EBF3: variants seen among roughly 807,000 people sequenced by gnomAD.
EBF3 encodes the protein transcription factor COE3.
In EBF3, 18 loss-of-function variants were observed where a neutral mutation model predicts 77.1. The ratio of observed to expected loss-of-function variants is 0.23; its 90% confidence interval spans 0.16 to 0.35. The LOEUF (loss-of-function observed/expected upper bound fraction) is 0.35, where lower values mean the gene tolerates loss of function less well. Among genes scored for constraint, EBF3 ranks in the 10% least tolerant of loss-of-function variants. EBF3 has a pLI of 1.00. For synonymous variants in EBF3, 350 were observed against 343.5 expected (o/e 1.02, Z -0.21); for missense variants, 558 against 860.0 (o/e 0.65, Z 4.39).
At chr10:129,884,351 CAATACGTATTGGATTTCCAA>C (rs1374511234) in intron 6 of EBF3, among the ~76,000 whole-genome samples, 2 of 152,146 alleles carry the variant, frequency 1.3e-5, no homozygotes, top group Non-Finnish European at 2.9e-5. Flanking sequence ...GTACACAGGT[CAATACGTATTGGATTTCCAA>C]AATGCGAGGG....
rs931475476 is a variant in EBF3 at position 129,935,118 on chromosome 10, G to T, written c.554+22140C>A. ...CTGGTGGTCCGGTTCCCTAAGAACC[G>T]GACCCTCTAGTGGATCATGATGTGG... On this transcript the variant is annotated intron_variant, in intron 6 of 16. Transcript: ENST00000440978. This position sits in a 1 kb window ranked among gnomAD's most constrained non-coding sequence, Gnocchi z 4.2. Among the ~76,000 whole-genome samples the T allele has an allele frequency of 6.6e-6, 1 of 152,084 alleles. No homozygotes were observed. The highest frequency in any genetic ancestry group is 1.9e-4 in the East Asian group (1 of 5,190).
At chr10:129,868,060 C>T in intron 8 of EBF3, 148 bp from the exon 9 acceptor site, 1 of 1,087,180 alleles carries the variant, frequency 9.2e-7, no homozygotes, top group Non-Finnish European at 1.3e-6. Context: ...CGTAGATCAG[C>T]ATGTTGATGT....
rs11370096 is a variant in EBF3 at position 129,854,505 on chromosome 10, G to GAA, written c.1040-6027_1040-6026dup. 1.3e-3 allele frequency among the ~76,000 whole-genome samples: 190 copies of GAA among 150,314 alleles called. 1 individual carries two copies. The highest frequency in any genetic ancestry group is 3.5e-3 in the African/African-American group (143 of 41,094). On this transcript the variant is annotated intron_variant, in intron 10 of 16. Coordinates refer to ENST00000440978, the MANE Select transcript of EBF3 (RefSeq NM_001375380.1). ...TCTATTTCAGTAACAAGCAAAAATA[G>GAA]AAAAAAAAAATCTGCCTTCCTGATA...
At chr10:129,929,338 G>A (rs939657863) in intron 6 of EBF3, among the ~76,000 whole-genome samples, 4 of 151,960 alleles carry the variant, frequency 2.6e-5, no homozygotes, top group Non-Finnish European at 5.9e-5. Flanking sequence ...CCAAGTAGCT[G>A]GAACTACAGG....
intron 11 of EBF3, 173 bp from the exon 12 acceptor site, chr10:129,843,375 G>A (rs1850230148): frequency 1.0e-5 from 6 of 590,624 alleles, no homozygotes; most frequent in African/African-American, 1.8e-5. Context: ...CGTGCGTGCT[G>A]ACAACACTGT....
intron 10 of EBF3, among the ~76,000 whole-genome samples, chr10:129,855,760 T>C (rs1441784292): frequency 2.6e-5 from 4 of 152,182 alleles, no homozygotes; most frequent in African/African-American, 9.7e-5. Context: ...ATCCTTTTCT[T>C]TAAAAAAGGA....
At chr10:129,883,882 G>T (rs961748743) in intron 6 of EBF3, among the ~76,000 whole-genome samples, 4 of 152,144 alleles carry the variant, frequency 2.6e-5, no homozygotes, top group African/African-American at 9.7e-5. Flanking sequence ...AAATGCCACA[G>T]AACTGTTCAC....
intron 6 of EBF3, among the ~76,000 whole-genome samples, chr10:129,895,049 A>G (rs964103669): frequency 3.3e-5 from 5 of 152,234 alleles, no homozygotes; most frequent in African/African-American, 1.2e-4. Flanking sequence ...ATGAGTGGGC[A>G]TGCGGAACGG....
chr10:129,950,206 C>T (rs933157778), intron 6 of EBF3, among the ~76,000 whole-genome samples: 2 of 152,168 alleles, frequency 1.3e-5, no homozygotes, highest in African/African-American at 4.8e-5. Context: ...AACCGCGAGC[C>T]CCTTCCTTTC....
chr10:129,839,654 A>C (rs1564812271), intron 15 of EBF3, among the ~76,000 whole-genome samples: 1 of 152,226 alleles, frequency 6.6e-6, no homozygotes, highest in African/African-American at 2.4e-5. Flanking sequence ...ACCTCTTTCC[A>C]AAAGACAGTG....
At chr10:129,843,097 T>TGGG in intron 12 of EBF3, 40 bp downstream of exon 12, 1 of 1,586,434 alleles carries the variant, frequency 6.3e-7, no homozygotes, top group Non-Finnish European at 8.6e-7. Context: ...GGTTCTGGCA[T>TGGG]GGGGGGGAGG....
intron 10 of EBF3, among the ~76,000 whole-genome samples, chr10:129,855,817 G>A (rs1367851274): frequency 6.6e-6 from 1 of 152,242 alleles, no homozygotes; most frequent in African/African-American, 2.4e-5. Context: ...ACTTTTTGCA[G>A]GGAGGAGAGA....
At chr10:129,844,924 C>CTT (rs1850348900) in intron 11 of EBF3, among the ~76,000 whole-genome samples, 1 of 152,150 alleles carries the variant, frequency 6.6e-6, no homozygotes, top group Non-Finnish European at 1.5e-5. Flanking sequence ...TATCGCAAGA[C>CTT]TTTTTACATG....
intron 4 of EBF3, among the ~76,000 whole-genome samples, chr10:129,960,801 T>G (rs891885715): frequency 4.6e-5 from 7 of 152,160 alleles, no homozygotes; most frequent in African/African-American, 1.7e-4. Context: ...TAGGGCTGCC[T>G]ACATAAACCT....
intron 3 of EBF3, 147 bp downstream of exon 3, chr10:129,962,795 G>A: frequency 1.1e-6 from 1 of 898,496 alleles, no homozygotes; most frequent in Non-Finnish European, 1.7e-6. Flanking sequence ...CTTATTGATC[G>A]TTTATGTTTT....
chr10:129,874,089 C>T (rs1852590600), intron 7 of EBF3, among the ~76,000 whole-genome samples: 3 of 152,180 alleles, frequency 2.0e-5, no homozygotes, highest in Admixed American at 2.0e-4. Flanking sequence ...CACATTTTAT[C>T]AGGAAACGAT....
intron 6 of EBF3, among the ~76,000 whole-genome samples, chr10:129,940,455 G>A (rs1044138154): frequency 3.3e-5 from 5 of 152,188 alleles, no homozygotes; most frequent in African/African-American, 9.7e-5. Context: ...TAAAGGACCC[G>A]ACAGCCTGGT....
At position 129,848,245 on chromosome 10, in the gene EBF3, A is replaced by G; in HGVS notation, c.1128+147T>C. On this transcript the variant is annotated intron_variant, in intron 11 of 16. Transcript: ENST00000440978. This position sits in a 1 kb window ranked among gnomAD's most constrained non-coding sequence, Gnocchi z 4.4. ...AAGCTGGTCAGGTGCGGGCCCGGGC[A>G]GCTCCTCACACCTGTCGGCCCTGTG... 1.2e-6 allele frequency: 1 copy of G among 806,472 alleles called. No individual in the cohort carries two copies. Among genetic ancestry groups the G allele is most frequent in the Non-Finnish European group, 2.1e-6 (1 of 477,794 alleles). 50.0% of individuals were successfully genotyped at this position (806,472 alleles called of 1,614,324 possible).
intron 8 of EBF3, among the ~76,000 whole-genome samples, chr10:129,873,140 C>T (rs1449277801): frequency 1.3e-5 from 2 of 152,174 alleles, no homozygotes; most frequent in African/African-American, 2.4e-5. Flanking sequence ...TCTGGATGGG[C>T]GCTTCCGACA....
Sources: allele counts gnomAD v4.1 joint callset (sites outside exome capture counted in the v4.1 genomes callset), GRCh38; gene constraint gnomAD v4.1.1; non-coding constraint Gnocchi (gnomAD v3.1); transcripts MANE v1.5; gene names NCBI Gene and HGNC (gene_info 2026-07-23, HGNC 2026-07-21).